Variants in GPR139 observed in about 807,000 individuals in gnomAD.
GPR139 encodes the protein G protein-coupled receptor 139.
In GPR139, 12 loss-of-function variants were observed where a neutral mutation model predicts 25.8. The observed-to-expected ratio is 0.47, with a 90% CI of 0.30 to 0.75. The LOEUF (loss-of-function observed/expected upper bound fraction) is 0.75, where lower values mean the gene tolerates loss of function less well. Ranked by LOEUF, GPR139 falls within the 30% of genes least tolerant of loss-of-function variation. The pLI is 0.07. For synonymous variants in GPR139, 184 were observed against 179.9 expected, an observed-to-expected ratio of 1.02 and a Z score of -0.18; for missense variants, 380 against 450.2, an observed-to-expected ratio of 0.84 and a Z score of 1.41.
chr16:20,063,591 A>T (rs1386523507), intron 1 of GPR139, among the ~76,000 whole-genome samples: 1 of 152,250 alleles, frequency 6.6e-6, no homozygotes, highest in East Asian at 1.9e-4. Context: ...CTTTGATGGA[A>T]TCAGAAGGAC....
chr16:20,053,625 C>T (rs980049595), intron 1 of GPR139, among the ~76,000 whole-genome samples: 1 of 152,010 alleles, frequency 6.6e-6, no homozygotes, highest in Non-Finnish European at 1.5e-5. Flanking sequence ...GTTGTGGGGA[C>T]CTAAGGAGAT....
At chr16:20,059,125 G>A (rs542975651) in intron 1 of GPR139, among the ~76,000 whole-genome samples, 27 of 152,278 alleles carry the variant, frequency 1.8e-4, no homozygotes, top group Non-Finnish European at 3.1e-4. Flanking sequence ...GCACCCTGGT[G>A]ATGATCCTCT....
In GPR139 at chr16:20,029,357, A is replaced by G. The variant is rs1262757986; in HGVS notation, c.*2378T>C. On this transcript the variant is annotated 3_prime_UTR_variant, in exon 2 of 2. Transcript: ENST00000570682. ...AGAGAGCATGGAGAGTCACATACAT[A>G]TTTTCCATCTTATATACATTCTCAA... Among the ~76,000 whole-genome samples, 2 of 151,942 alleles carry G rather than the reference A, an allele frequency of 1.3e-5. No individual in the cohort carries two copies. Among genetic ancestry groups the G allele is most frequent in the African/African-American group, 4.8e-5 (2 of 41,356 alleles).
At position 20,071,808 on chromosome 16, in the gene GPR139, A is replaced by G. The variant is rs112344799; in HGVS notation, c.127+1682T>C. 1.6e-3 allele frequency among the ~76,000 whole-genome samples: 245 copies of G among 151,680 alleles called. 1 individual carries two copies. The highest frequency in any genetic ancestry group is 0.01 in the Middle Eastern group (3 of 294). On this transcript the variant is annotated intron_variant, in intron 1 of 1. Transcript: ENST00000570682. Reference sequence around the variant, plus strand: ...CCTGCTTTGAACTCTTGAAGGGTCAACCTCTGCTTGTCTTTGTCTCTGTCC... The same window carrying G: ...CCTGCTTTGAACTCTTGAAGGGTCAGCCTCTGCTTGTCTTTGTCTCTGTCC...
intron 1 of GPR139, among the ~76,000 whole-genome samples, chr16:20,065,629 G>A (rs561479634): frequency 3.9e-5 from 6 of 152,252 alleles, no homozygotes; most frequent in Admixed American, 3.9e-4. Flanking sequence ...CCAGCACTTT[G>A]GGAAGCTGAG....
intron 1 of GPR139, among the ~76,000 whole-genome samples, chr16:20,056,096 G>A (rs964402218): frequency 6.6e-6 from 1 of 152,194 alleles, no homozygotes; most frequent in Non-Finnish European, 1.5e-5. Context: ...GTGAAATGAG[G>A]GGATGTGGTG....
intron 1 of GPR139, among the ~76,000 whole-genome samples, chr16:20,057,533 C>T (rs776059016): frequency 2.7e-5 from 4 of 148,324 alleles, no homozygotes; most frequent in African/African-American, 5.2e-5. Flanking sequence ...TCCATCCATC[C>T]GTCCATCCAT....
intron 1 of GPR139, among the ~76,000 whole-genome samples, chr16:20,044,598 T>A (rs555529116): frequency 5.3e-5 from 8 of 152,314 alleles, no homozygotes; most frequent in Admixed American, 1.3e-4. Context: ...AAGAGATCCC[T>A]ACTGTTCCCT....
intron 1 of GPR139, among the ~76,000 whole-genome samples, chr16:20,060,027 C>T (rs7190496): frequency 0.12 from 18,722 of 152,044 alleles, 1,306 homozygotes; most frequent in East Asian, 0.26. Context: ...ATGCCCACCC[C>T]GACCCTCCTT....
chr16:20,047,981 G>A (rs2057359816), intron 1 of GPR139, among the ~76,000 whole-genome samples: 1 of 152,160 alleles, frequency 6.6e-6, no homozygotes, highest in Non-Finnish European at 1.5e-5. Context: ...CTATTAGACA[G>A]GGTAAAAGTT....
intron 1 of GPR139, among the ~76,000 whole-genome samples, chr16:20,045,178 T>G (rs1051566737): frequency 2.0e-5 from 3 of 152,022 alleles, no homozygotes; most frequent in Non-Finnish European, 4.4e-5. Context: ...TTTTATATTT[T>G]TAGTAGAGAC....
Position 20,031,190 on chromosome 16 carries a change from A to G in GPR139, c.*545T>C, listed in dbSNP as rs1202871693. ...TTCTATTCCCACAGTGTCATTCTGA[A>G]GCTAGGAGTGCCAGAGCCAATTCAA... On this transcript the variant is annotated 3_prime_UTR_variant, in exon 2 of 2. Coordinates refer to ENST00000570682, the MANE Select transcript of GPR139 (RefSeq NM_001002911.4). Among the ~76,000 whole-genome samples, 2 of 152,102 alleles carry G rather than the reference A, an allele frequency of 1.3e-5. No homozygotes were observed. Among genetic ancestry groups the G allele is most frequent in the African/African-American group, 4.8e-5 (2 of 41,386 alleles).
chr16:20,050,772 T>G (rs942961511), intron 1 of GPR139, among the ~76,000 whole-genome samples: 18 of 152,266 alleles, frequency 1.2e-4, no homozygotes, highest in African/African-American at 4.3e-4. Flanking sequence ...AACAAGAAAC[T>G]TATTATTTGC....
At chr16:20,046,305 C>T (rs1248479231) in intron 1 of GPR139, among the ~76,000 whole-genome samples, 1 of 152,194 alleles carries the variant, frequency 6.6e-6, no homozygotes, top group Non-Finnish European at 1.5e-5. Context: ...CTGTTCCAGA[C>T]ACAGAGATGC....
intron 1 of GPR139, among the ~76,000 whole-genome samples, chr16:20,069,370 A>G (rs2057450696): frequency 7.2e-6 from 1 of 139,794 alleles, no homozygotes; most frequent in South Asian, 2.3e-4. Context: ...TGTCCTTTTA[A>G]CCTGTTTATT....
In GPR139 at chr16:20,032,625, T is replaced by G. The variant is rs1356162484; in HGVS notation, c.172A>C (p.Arg58=). ...AGATAGTTGTAGGAGGACTTCTGTC[T>G]TCTTGCCACCAGCTGGGAGAGGATG... is the stretch of plus-strand genomic sequence containing the variant. ...VIILSQLVAR[R]QKSSYNYLLA... Residue 58 remains arginine, a synonymous_variant, in exon 2 of 2, where the codon AGA becomes CGA. Transcript: ENST00000570682. 6.2e-7 allele frequency: 1 copy of G among 1,610,896 alleles called. No homozygotes were observed. The highest frequency in any genetic ancestry group is 8.5e-7 in the Non-Finnish European group (1 of 1,177,274).
chr16:20,035,325 C>T (rs1159698150), intron 1 of GPR139, among the ~76,000 whole-genome samples: 4 of 152,144 alleles, frequency 2.6e-5, no homozygotes, highest in African/African-American at 9.7e-5. Flanking sequence ...TCCCAGTGGG[C>T]TGGGGGTACC....
chr16:20,043,133 G>A (rs1047697099), intron 1 of GPR139, among the ~76,000 whole-genome samples: 3 of 152,198 alleles, frequency 2.0e-5, no homozygotes, highest in Non-Finnish European at 4.4e-5. Flanking sequence ...GCTATTCCAG[G>A]ACAGTCTGAC....
chr16:20,055,270 G>A (rs535723938), intron 1 of GPR139, among the ~76,000 whole-genome samples: 9 of 152,294 alleles, frequency 5.9e-5, no homozygotes, highest in African/African-American at 1.4e-4. Context: ...CATGGATAGA[G>A]CTGAAGGCCA....
Sources: gnomAD v4.1 joint callset for allele counts (sites outside exome capture counted in the v4.1 genomes callset) on GRCh38, gnomAD v4.1.1 for gene constraint, MANE v1.5 for transcripts, NCBI Gene and HGNC (gene_info 2026-07-23, HGNC 2026-07-21) for gene names.